Variants in RIC1 observed in about 807,000 individuals in gnomAD.
The protein encoded by RIC1 is RIC1 partner of RAB6A GEF complex, also known as guanine nucleotide exchange factor subunit RIC1.
RIC1 carries 88 observed loss-of-function variants against 169.0 expected under a neutral mutation model. The observed-to-expected ratio is 0.52, with a 90% CI of 0.44 to 0.62. The LOEUF (loss-of-function observed/expected upper bound fraction) is 0.62, where lower values mean the gene tolerates loss of function less well. Among genes scored for constraint, RIC1 ranks in the 20% least tolerant of loss-of-function variants. The probability of loss-of-function intolerance (pLI) is 0.00; values close to 1 mark genes in which losing one functional copy is unlikely to be tolerated. For missense variants in RIC1, 1,877 were observed against 1,725.5 expected (o/e 1.09, Z -1.56); for synonymous variants, 790 against 601.5 (o/e 1.31, Z -4.59).
intron 17 of RIC1, among the ~76,000 whole-genome samples, chr9:5,761,274 C>G (rs530634474): frequency 1.3e-5 from 2 of 151,964 alleles, no homozygotes; most frequent in East Asian, 3.9e-4. Context: ...CCACCACGCC[C>G]GGCTTATTTT....
chr9:5,727,771 C>G (rs1382383053), intron 6 of RIC1, among the ~76,000 whole-genome samples: 1 of 152,200 alleles, frequency 6.6e-6, no homozygotes, highest in Non-Finnish European at 1.5e-5. Context: ...AGTCAGGACC[C>G]TCAGCTGTAG....
intron 3 of RIC1, among the ~76,000 whole-genome samples, chr9:5,691,822 T>A (rs1445328719): frequency 6.6e-6 from 1 of 152,008 alleles, no homozygotes; most frequent in Non-Finnish European, 1.5e-5. Flanking sequence ...GTGGGCATGG[T>A]AGAGAAATAA....
At chr9:5,764,730 A>T (rs1404746809) in intron 19 of RIC1, among the ~76,000 whole-genome samples, 1 of 152,212 alleles carries the variant, frequency 6.6e-6, no homozygotes, top group Non-Finnish European at 1.5e-5. Context: ...TTAAAAATAG[A>T]ATCAAAATAA....
intron 1 of RIC1, among the ~76,000 whole-genome samples, chr9:5,637,651 T>C (rs73390669): frequency 1.3e-5 from 2 of 152,214 alleles, no homozygotes; most frequent in African/African-American, 4.8e-5. Flanking sequence ...TTCCACTCTT[T>C]ATCACCATTA....
At chr9:5,766,333 A>G (rs1220800066) in intron 21 of RIC1, among the ~76,000 whole-genome samples, 2 of 152,056 alleles carry the variant, frequency 1.3e-5, no homozygotes, top group Non-Finnish European at 2.9e-5. Context: ...GAGCCACCCT[A>G]CCTGGCCAAA....
chr9:5,711,481 A>AT (rs1208310455), intron 3 of RIC1, among the ~76,000 whole-genome samples: 4 of 152,126 alleles, frequency 2.6e-5, no homozygotes, highest in Admixed American at 1.3e-4. Flanking sequence ...CAGTTTTCCC[A>AT]TTTTAACTCA....
intron 2 of RIC1, among the ~76,000 whole-genome samples, chr9:5,674,042 T>C (rs534134846): frequency 2.6e-5 from 4 of 152,318 alleles, no homozygotes; most frequent in African/African-American, 9.6e-5. Context: ...AGCAGGCATT[T>C]ACAGTATCAT....
intron 2 of RIC1, among the ~76,000 whole-genome samples, chr9:5,672,528 T>C (rs559373827): frequency 6.6e-6 from 1 of 152,278 alleles, no homozygotes; most frequent in South Asian, 2.1e-4. Flanking sequence ...AATTTCATGA[T>C]GTAAGGCATA....
intron 1 of RIC1, among the ~76,000 whole-genome samples, chr9:5,643,716 A>G (rs926920377): frequency 6.6e-6 from 1 of 152,344 alleles, no homozygotes; most frequent in East Asian, 1.9e-4. Flanking sequence ...TTTGTATGTC[A>G]TCTAAAATGG....
intron 6 of RIC1, among the ~76,000 whole-genome samples, chr9:5,730,123 A>T (rs1587049248): frequency 6.6e-6 from 1 of 152,354 alleles, no homozygotes; most frequent in East Asian, 1.9e-4. Context: ...GTACCTATGT[A>T]TTAATGGTAA....
chr9:5,755,160 T>A (rs924565866), intron 15 of RIC1, among the ~76,000 whole-genome samples: 9 of 152,208 alleles, frequency 5.9e-5, no homozygotes, highest in Non-Finnish European at 1.5e-5. Context: ...ATTTTAGCTG[T>A]CGGACATTCC....
At chr9:5,680,307 T>G (rs1820737930) in intron 2 of RIC1, among the ~76,000 whole-genome samples, 1 of 152,198 alleles carries the variant, frequency 6.6e-6, no homozygotes, top group Non-Finnish European at 1.5e-5. Context: ...ATTTTCTTTT[T>G]TTGTTGTGTC....
intron 17 of RIC1, 77 bp downstream of exon 17, chr9:5,757,528 G>C: frequency 6.7e-7 from 1 of 1,486,814 alleles, no homozygotes; most frequent in Non-Finnish European, 9.3e-7. Context: ...GGAAGTATTT[G>C]TTTGGCAAAT....
intron 12 of RIC1, 122 bp downstream of exon 12, chr9:5,747,627 A>T (rs546917112): frequency 1.2e-5 from 10 of 845,524 alleles, no homozygotes; most frequent in African/African-American, 1.2e-4. Context: ...CCATTTTGTC[A>T]TGTCCCTCTT....
chr9:5,667,176 G>GC (rs1819824165), intron 2 of RIC1, among the ~76,000 whole-genome samples: 1 of 152,000 alleles, frequency 6.6e-6, no homozygotes, highest in Admixed American at 6.6e-5. Flanking sequence ...AATAAACTTA[G>GC]CCAGGTGAGT....
At chr9:5,655,740 AT>A (rs1563873018) in intron 1 of RIC1, among the ~76,000 whole-genome samples, 1 of 151,744 alleles carries the variant, frequency 6.6e-6, no homozygotes, top group Non-Finnish European at 1.5e-5. Flanking sequence ...CCAGGCTTGT[AT>A]TTCTGGGGTA....
chr9:5,661,906 G>C (rs899290946), intron 2 of RIC1, among the ~76,000 whole-genome samples: 7 of 152,074 alleles, frequency 4.6e-5, no homozygotes, highest in Admixed American at 1.3e-4. Flanking sequence ...CTTGTCTTGT[G>C]CCTTTTTTCA....
At chr9:5,751,478 C>T (rs759410486) in intron 12 of RIC1, among the ~76,000 whole-genome samples, 1 of 151,738 alleles carries the variant, frequency 6.6e-6, no homozygotes, top group South Asian at 2.1e-4. Flanking sequence ...GCGTCAGCTT[C>T]CCGAGTAGCT....
intron 1 of RIC1, among the ~76,000 whole-genome samples, chr9:5,645,975 C>CT (rs943723706): frequency 2.6e-4 from 34 of 132,554 alleles, no homozygotes; most frequent in Admixed American, 9.1e-4. Flanking sequence ...AGAAATTTTG[C>CT]TTTTTTTTTT....
Sources: gnomAD v4.1 joint callset for allele counts (sites outside exome capture counted in the v4.1 genomes callset) on GRCh38, gnomAD v4.1.1 for gene constraint, MANE v1.5 for transcripts, NCBI Gene and HGNC (gene_info 2026-07-23, HGNC 2026-07-21) for gene names.